The following PTN variants were observed in gnomAD, a reference collection of about 807,000 sequenced individuals.
The protein encoded by PTN is pleiotrophin.
Under a neutral mutation model 24.1 loss-of-function variants are expected in PTN, and 18 were observed. That is an observed-to-expected ratio of 0.75 (90% CI 0.52 to 1.11). The LOEUF (loss-of-function observed/expected upper bound fraction) is 1.11, where lower values mean the gene tolerates loss of function less well. Ranked by LOEUF, PTN falls within the 50% of genes least tolerant of loss-of-function variation. PTN has a pLI of 0.00. For synonymous variants in PTN, 78 were observed against 68.6 expected (o/e 1.14, Z -0.67); for missense variants, 163 against 198.8 (o/e 0.82, Z 1.08).
chr7:137,335,924 C>T (rs1168223035), intron 1 of PTN, among the ~76,000 whole-genome samples: 2 of 133,496 alleles, frequency 1.5e-5, no homozygotes, highest in Non-Finnish European at 3.2e-5. Context: ...AAGATGTCTT[C>T]TCGCTTTTTT....
Position 137,332,246 on chromosome 7 carries a change from C to G in PTN, c.-2+11193G>C, listed in dbSNP as rs372152802. ...GTATATCAGGGTGCTAACAGTGGTG[C>G]CTATTTCAAGAATTGTAAGTAAGTT... On this transcript the variant is annotated intron_variant, in intron 1 of 4. Coordinates refer to ENST00000348225, the MANE Select transcript of PTN (RefSeq NM_002825.7). Among the ~76,000 whole-genome samples the G allele has an allele frequency of 4.6e-5, 7 of 152,180 alleles. No homozygotes were observed. The East Asian group carries it at 1.2e-3, about 25-fold the overall frequency.
chr7:137,337,126 G>A (rs1461525759), intron 1 of PTN, among the ~76,000 whole-genome samples: 1 of 152,142 alleles, frequency 6.6e-6, no homozygotes, highest in African/African-American at 2.4e-5. Context: ...TGCTGAAGAT[G>A]GGCTCCAGGC....
chr7:137,323,542 A>G (rs1810200556), intron 1 of PTN, among the ~76,000 whole-genome samples: 1 of 152,162 alleles, frequency 6.6e-6, no homozygotes, highest in Non-Finnish European at 1.5e-5. Context: ...TGGAAAGTTG[A>G]GTTTTTACCC....
chr7:137,311,568 ATTT>A (rs1279737404), intron 1 of PTN, among the ~76,000 whole-genome samples: 6 of 152,116 alleles, frequency 3.9e-5, no homozygotes, highest in Non-Finnish European at 7.3e-5. Context: ...TCTTCCTTTT[ATTT>A]GAACACTTAG....
At chr7:137,314,634 C>T (rs1287810635) in intron 1 of PTN, among the ~76,000 whole-genome samples, 1 of 30,166 alleles carries the variant, frequency 3.3e-5, no homozygotes, top group African/African-American at 1.3e-4. Context: ...GCCCTCTCGC[C>T]CATGCTGAAA....
At chr7:137,278,725 G>C (rs924733326) in intron 1 of PTN, among the ~76,000 whole-genome samples, 1 of 151,934 alleles carries the variant, frequency 6.6e-6, no homozygotes, top group Non-Finnish European at 1.5e-5. Flanking sequence ...TGGATCACTT[G>C]AGGTCGGAGC....
intron 1 of PTN, among the ~76,000 whole-genome samples, chr7:137,258,785 G>A (rs1767925263): frequency 6.6e-6 from 1 of 151,996 alleles, no homozygotes; most frequent in Admixed American, 6.6e-5. Context: ...ACCAAGTGAG[G>A]GCAAAAGCTC....
intron 1 of PTN, among the ~76,000 whole-genome samples, chr7:137,299,218 T>C (rs1277104939): frequency 6.6e-6 from 1 of 151,958 alleles, no homozygotes; most frequent in African/African-American, 2.4e-5. Flanking sequence ...AAAATGAATG[T>C]TGTCTAACTA....
chr7:137,326,051 T>C (rs1000854680), intron 1 of PTN: 3 of 152,204 alleles, frequency 2.0e-5, no homozygotes, highest in Non-Finnish European at 4.4e-5. Context: ...TGAAAGCATG[T>C]TGTGAATGCT....
At chr7:137,249,299 G>A (rs1808781309) in intron 4 of PTN, among the ~76,000 whole-genome samples, 1 of 151,856 alleles carries the variant, frequency 6.6e-6, no homozygotes, top group Non-Finnish European at 1.5e-5. Flanking sequence ...GTGTGTGTGT[G>A]TGTGTGTTAC....
Position 137,343,452 on chromosome 7 carries a change from C to G in PTN, c.-15G>C, listed in dbSNP as rs763369864. On this transcript the variant is annotated 5_prime_UTR_variant, in exon 1 of 5. Transcript: ENST00000348225. ...CCTCTCACTTACTTTGAGTTGGAAA[C>G]GTCCTCTCTGGCGCTCAGTCTGCCT... 1.9e-6 allele frequency: 1 copy of G among 517,062 alleles called. No homozygotes were observed. The highest frequency in any genetic ancestry group is 1.4e-5 in the South Asian group (1 of 71,228). 32.0% of individuals were successfully genotyped at this position (517,062 alleles called of 1,614,324 possible). A position where few individuals can be genotyped will look rare whatever the true frequency, so the allele number is the denominator to read the frequency against.
chr7:137,304,314 T>C (rs1437453781), intron 1 of PTN, among the ~76,000 whole-genome samples: 2 of 151,934 alleles, frequency 1.3e-5, no homozygotes, highest in African/African-American at 4.8e-5. Flanking sequence ...AGGTGGCCAC[T>C]CTTGACCTCT....
At chr7:137,335,682 C>T (rs2128883464) in intron 1 of PTN, among the ~76,000 whole-genome samples, 1 of 152,226 alleles carries the variant, frequency 6.6e-6, no homozygotes, top group East Asian at 1.9e-4. Flanking sequence ...TCATTGGAGA[C>T]CTACTGAATT....
chr7:137,340,058 T>A (rs1225099087), intron 1 of PTN, among the ~76,000 whole-genome samples: 1 of 152,204 alleles, frequency 6.6e-6, no homozygotes, highest in Non-Finnish European at 1.5e-5. Context: ...GGATATGATT[T>A]TTTTCTGTTT....
At position 137,335,928 on chromosome 7, in the gene PTN, CTT is replaced by C. The variant is rs35429933; in HGVS notation, c.-2+7509_-2+7510del. On this transcript the variant is annotated intron_variant, in intron 1 of 4. Coordinates refer to ENST00000348225, the MANE Select transcript of PTN (RefSeq NM_002825.7). ...CAGCCTCATTTAAGATGTCTTCTCG[CTT>C]TTTTTTTTTTTTTTTAGTATGACTC... Among the ~76,000 whole-genome samples, 461 of 141,878 alleles carry C rather than the reference CTT, an allele frequency of 3.2e-3. 4 individuals carry two copies. The highest frequency in any genetic ancestry group is 6.2e-3 in the Admixed American group (88 of 14,220). 93.1% of individuals were successfully genotyped at this position (141,878 alleles called of 152,430 possible).
intron 1 of PTN, among the ~76,000 whole-genome samples, chr7:137,278,512 C>A (rs1050736964): frequency 6.6e-6 from 1 of 151,942 alleles, no homozygotes; most frequent in African/African-American, 2.4e-5. Context: ...GTGGCTCTAA[C>A]AGTATTAGTC....
chr7:137,297,212 A>G (rs1273321901), intron 1 of PTN, among the ~76,000 whole-genome samples: 1 of 152,156 alleles, frequency 6.6e-6, no homozygotes, highest in East Asian at 1.9e-4. Flanking sequence ...AATCTGTACC[A>G]TCATTTCACT....
chr7:137,271,244 A>C (rs766001500), intron 1 of PTN, among the ~76,000 whole-genome samples: 1 of 152,222 alleles, frequency 6.6e-6, no homozygotes, highest in East Asian at 1.9e-4. Context: ...AAATCAAGAA[A>C]TGTTTACATT....
In PTN at chr7:137,231,812, C is replaced by T. The variant is rs190655846; in HGVS notation, c.452-3737G>A. Among the ~76,000 whole-genome samples the T allele has an allele frequency of 6.2e-3, 946 of 151,962 alleles. 4 individuals carry two copies. The highest frequency in any genetic ancestry group is 9.4e-3 in the Non-Finnish European group (639 of 67,900). Reference sequence around the variant, plus strand: ...ATGAAGAAGAAAACTTACAAACATACGTATATGAAATTTATCCAGGTTTCT... The same window carrying T: ...ATGAAGAAGAAAACTTACAAACATATGTATATGAAATTTATCCAGGTTTCT... On this transcript the variant is annotated intron_variant, in intron 4 of 4. Coordinates refer to ENST00000348225, the MANE Select transcript of PTN (RefSeq NM_002825.7).
Sources: gnomAD v4.1 joint callset for allele counts (sites outside exome capture counted in the v4.1 genomes callset) on GRCh38, gnomAD v4.1.1 for gene constraint, MANE v1.5 for transcripts, NCBI Gene and HGNC (gene_info 2026-07-23, HGNC 2026-07-21) for gene names.